Variants in RGS7 observed in about 807,000 individuals in gnomAD.
The protein encoded by RGS7 is regulator of G protein signaling 7.
Under a neutral mutation model 81.1 loss-of-function variants are expected in RGS7, and 27 were observed. The ratio of observed to expected loss-of-function variants is 0.33; its 90% confidence interval spans 0.25 to 0.46. The LOEUF is 0.46. Among genes scored for constraint, RGS7 ranks in the 20% least tolerant of loss-of-function variants. The pLI is 1.00. For synonymous variants in RGS7, 208 were observed against 207.7 expected (o/e 1.00, Z -0.01); for missense variants, 396 against 607.4 (o/e 0.65, Z 3.66).
intron 3 of RGS7, among the ~76,000 whole-genome samples, chr1:241,077,411 T>C (rs1480275747): frequency 6.6e-6 from 1 of 152,084 alleles, no homozygotes; most frequent in African/African-American, 2.4e-5. Flanking sequence ...CAAATCACAG[T>C]ACTTGGAGAG....
intron 3 of RGS7, among the ~76,000 whole-genome samples, chr1:241,076,911 G>A (rs2148884989): frequency 6.6e-6 from 1 of 152,314 alleles, no homozygotes; most frequent in South Asian, 2.1e-4. Context: ...CTGACTTTGT[G>A]TCAATCATTC....
rs536087137 is a variant in RGS7 at position 240,870,009 on chromosome 1, C to T, written c.450+46G>A. 109 of 1,474,216 alleles carry T rather than the reference C, an allele frequency of 7.4e-5. 2 individuals carry two copies. The South Asian group carries it at 1.2e-3, about 17-fold the overall frequency. The allele number at this position is 1,474,216 out of a possible 1,614,324, so 91.3% of individuals were successfully genotyped here. On this transcript the variant is annotated intron_variant, in intron 7 of 18. Transcript: ENST00000440928. ...CCAGAAAAGGCTGTGGGCCTTACTGCTGTGCATTCTATGACTATCTTTGCC... is the reference window on the plus strand; with the variant it reads ...CCAGAAAAGGCTGTGGGCCTTACTGTTGTGCATTCTATGACTATCTTTGCC...
chr1:240,868,473 T>C lies in RGS7; in HGVS notation c.609+114A>G, dbSNP rs907569501. Reference sequence around the variant, plus strand: ...TCTTTTCTTAATGAATTCACCAAGATACCATGGAGCGTGCATGGGGTCACT... The same window carrying C: ...TCTTTTCTTAATGAATTCACCAAGACACCATGGAGCGTGCATGGGGTCACT... On this transcript the variant is annotated intron_variant, in intron 9 of 18. Coordinates refer to ENST00000440928, the MANE Select transcript of RGS7 (RefSeq NM_001364886.1). The surrounding 1 kb of genome is among the most constrained non-coding windows in gnomAD (Gnocchi z 5.1). 7.2e-5 allele frequency: 62 copies of C among 856,352 alleles called. No homozygotes were observed. The African/African-American group carries it at 8.6e-4, about 12-fold the overall frequency. 53.0% of individuals were successfully genotyped at this position (856,352 alleles called of 1,614,324 possible). A position where few individuals can be genotyped will look rare whatever the true frequency, so the allele number is the denominator to read the frequency against.
At position 241,344,554 on chromosome 1, in the gene RGS7, G is replaced by A. The variant is rs1573772587; in HGVS notation, c.78+11145C>T. On this transcript the variant is annotated intron_variant, in intron 2 of 18. Coordinates refer to ENST00000440928, the MANE Select transcript of RGS7 (RefSeq NM_001364886.1). ...ACAGAGGTAAAGTAACTGGATTCAC[G>A]TTAAGTGCATTTTAACCCAGACAGT... is the stretch of plus-strand genomic sequence containing the variant. 2.6e-5 allele frequency among the ~76,000 whole-genome samples: 4 copies of A among 152,306 alleles called. No homozygotes were observed. The South Asian group carries it at 6.2e-4, about 24-fold the overall frequency.
At chr1:240,944,322 A>G (rs1321560950) in intron 4 of RGS7, among the ~76,000 whole-genome samples, 2 of 106,438 alleles carry the variant, frequency 1.9e-5, no homozygotes, top group Admixed American at 1.0e-4. Flanking sequence ...ATATATATAT[A>G]TATATATATA....
rs545556065 is a variant in RGS7, at chr1:241,353,808, G to T, written c.78+1891C>A. ...TTAACTTAAAAGTAAAATTAATGGC[G>T]ATTCGATGCTATACAACACTGTGTA... On this transcript the variant is annotated intron_variant, in intron 2 of 18. Coordinates refer to ENST00000440928, the MANE Select transcript of RGS7 (RefSeq NM_001364886.1). 7.9e-5 allele frequency among the ~76,000 whole-genome samples: 12 copies of T among 152,172 alleles called. No individual in the cohort carries two copies. In the South Asian group the frequency reaches 2.5e-3, roughly 32 times the overall value.
intron 14 of RGS7, among the ~76,000 whole-genome samples, chr1:240,810,341 T>G (rs1461228879): frequency 2.0e-5 from 3 of 152,128 alleles, no homozygotes; most frequent in African/African-American, 7.2e-5. Context: ...ATACAAATGA[T>G]ATCAGCATGT....
intron 4 of RGS7, among the ~76,000 whole-genome samples, chr1:240,976,073 A>G (rs1684023784): frequency 6.6e-6 from 1 of 152,266 alleles, no homozygotes; most frequent in Admixed American, 6.5e-5. Context: ...GAAGGGCAAG[A>G]GAATGAAAAA....
chr1:240,998,813 G>A, intron 3 of RGS7: 1 of 625,800 alleles, frequency 1.6e-6, no homozygotes, highest in Non-Finnish European at 3.0e-6. Flanking sequence ...TGAGTGTGGG[G>A]CTGGCGCTGC....
At chr1:240,933,086 G>C (rs559863402) in intron 5 of RGS7, among the ~76,000 whole-genome samples, 1 of 149,960 alleles carries the variant, frequency 6.7e-6, no homozygotes, top group Non-Finnish European at 1.5e-5. Flanking sequence ...GTTTCACCGT[G>C]TTAGCCAGGA....
chr1:240,778,289 C>T (rs1234597450), intron 18 of RGS7, among the ~76,000 whole-genome samples: 3 of 152,204 alleles, frequency 2.0e-5, no homozygotes, highest in African/African-American at 7.2e-5. Context: ...GGGAAGGGAT[C>T]ACAAATATTC....
chr1:240,911,748 C>G (rs888391995), intron 6 of RGS7, among the ~76,000 whole-genome samples: 5 of 152,136 alleles, frequency 3.3e-5, no homozygotes, highest in African/African-American at 1.2e-4. Flanking sequence ...AGTCAGAAAC[C>G]TTGGGTTCCA....
intron 6 of RGS7, among the ~76,000 whole-genome samples, chr1:240,924,103 A>G (rs1445626509): frequency 6.6e-6 from 1 of 152,216 alleles, no homozygotes; most frequent in Non-Finnish European, 1.5e-5. Context: ...CTTTCTACCA[A>G]TGGTAACTGA....
intron 9 of RGS7, among the ~76,000 whole-genome samples, chr1:240,857,389 T>A (rs1661336459): frequency 6.6e-6 from 1 of 152,182 alleles, no homozygotes; most frequent in African/African-American, 2.4e-5. Flanking sequence ...GATACATTAA[T>A]AGTAATTAAA....
intron 6 of RGS7, among the ~76,000 whole-genome samples, chr1:240,902,752 T>C (rs1489115898): frequency 6.6e-6 from 1 of 152,210 alleles, no homozygotes; most frequent in African/African-American, 2.4e-5. Flanking sequence ...CTATGGGACA[T>C]CTAAATGACA....
chr1:241,184,676 A>G (rs1359789695), intron 2 of RGS7, among the ~76,000 whole-genome samples: 1 of 152,208 alleles, frequency 6.6e-6, no homozygotes, highest in Non-Finnish European at 1.5e-5. Context: ...GGTAAGGTGT[A>G]TACAAAACAT....
intron 2 of RGS7, among the ~76,000 whole-genome samples, chr1:241,222,347 G>A (rs12136646): frequency 0.18 from 27,174 of 152,128 alleles, 2,754 homozygotes; most frequent in Middle Eastern, 0.22. Flanking sequence ...CCGAAATTAC[G>A]ATTTCTTTGG....
chr1:240,921,394 T>C (rs2148302569), intron 6 of RGS7, among the ~76,000 whole-genome samples: 1 of 152,162 alleles, frequency 6.6e-6, no homozygotes, highest in South Asian at 2.1e-4. Flanking sequence ...CCCCTCTCGC[T>C]ACTCCTATTT....
intron 3 of RGS7, among the ~76,000 whole-genome samples, chr1:241,045,646 G>A (rs1401669539): frequency 1.3e-5 from 2 of 152,144 alleles, no homozygotes; most frequent in Admixed American, 6.5e-5. Flanking sequence ...TTACAGGCAT[G>A]AGCCACCGCG....
Sources: allele counts gnomAD v4.1 joint callset (sites outside exome capture counted in the v4.1 genomes callset), GRCh38; gene constraint gnomAD v4.1.1; non-coding constraint Gnocchi (gnomAD v3.1); transcripts MANE v1.5; gene names NCBI Gene and HGNC (gene_info 2026-07-23, HGNC 2026-07-21).